The following ASB4 variants were observed in gnomAD, a reference collection of about 807,000 sequenced individuals.
ASB4 encodes the protein ankyrin repeat and SOCS box containing 4.
Under a neutral mutation model 38.6 loss-of-function variants are expected in ASB4, and 35 were observed. That is an observed-to-expected ratio of 0.91 (90% CI 0.69 to 1.20). The LOEUF (loss-of-function observed/expected upper bound fraction) is 1.20, where lower values mean the gene tolerates loss of function less well. ASB4 is among the 50% of genes most tolerant of loss of function. ASB4 has a pLI of 0.00. For missense variants in ASB4, 557 were observed against 527.2 expected (o/e 1.06, Z -0.55); for synonymous variants, 195 against 201.3 (o/e 0.97, Z 0.26).
At chr7:95,485,883 G>T (rs1380093124), upstream of ASB4, 43 of 1,165,516 alleles carry the variant, frequency 3.7e-5, no homozygotes, top group Non-Finnish European at 4.6e-5. Flanking sequence ...AAAATTAGCC[G>T]ACAGTTTGTG....
At chr7:95,471,827 T>C in the ASB4 span, 1 of 127,084 alleles carries the variant, frequency 7.9e-6, no homozygotes. Context: ...AAGTATTTTA[T>C]GTGTGCTAAC....
chr7:95,540,605 C>G (rs1174108005), downstream of ASB4, among the ~76,000 whole-genome samples: 2 of 152,126 alleles, frequency 1.3e-5, no homozygotes, highest in Non-Finnish European at 2.9e-5. Flanking sequence ...CCTCATGACG[C>G]CTTTGTTACT....
At chr7:95,477,030 C>T (rs747150015), upstream of ASB4, among the ~76,000 whole-genome samples, 22 of 151,864 alleles carry the variant, frequency 1.4e-4, no homozygotes, top group Non-Finnish European at 2.6e-4. Context: ...ATATGGTTTA[C>T]GTGGATTAAA....
At chr7:95,472,310 T>C in the ASB4 span, among the ~76,000 whole-genome samples, 1 of 152,194 alleles carries the variant, frequency 6.6e-6, no homozygotes, top group Admixed American at 6.5e-5. Flanking sequence ...GTGTTCAGAA[T>C]GACCAGATGC....
intron 3 of ASB4, among the ~76,000 whole-genome samples, chr7:95,532,327 G>A (rs900742166): frequency 6.6e-6 from 1 of 152,120 alleles, no homozygotes; most frequent in African/African-American, 2.4e-5. Flanking sequence ...AAGCCAATGT[G>A]TAAATTACAT....
In ASB4 at chr7:95,493,775, G is replaced by C. The variant is rs910614444; in HGVS notation, c.188-1983G>C. ...AAATGTATTTGCATATGATAGCATA[G>C]TTTGTATACTGTTTGGCTCCCTGCT... is the stretch of plus-strand genomic sequence containing the variant. On this transcript the variant is annotated intron_variant, in intron 1 of 4. Transcript: ENST00000325885. Among the ~76,000 whole-genome samples, 7 of 152,132 alleles carry C rather than the reference G, an allele frequency of 4.6e-5. 1 individual carries two copies. In the South Asian group the frequency reaches 1.5e-3, roughly 32 times the overall value.
intron 3 of ASB4, among the ~76,000 whole-genome samples, chr7:95,535,293 A>G (rs1040492883): frequency 6.6e-6 from 1 of 152,198 alleles, no homozygotes; most frequent in Non-Finnish European, 1.5e-5. Context: ...TGAGGTTGAT[A>G]CGGTCTGGGA....
upstream of ASB4, among the ~76,000 whole-genome samples, chr7:95,483,948 T>G (rs537199582): frequency 2.5e-4 from 38 of 152,096 alleles, no homozygotes; most frequent in African/African-American, 8.9e-4. Context: ...CATATATGGC[T>G]CTTTTTGTTG....
At chr7:95,492,016 G>C (rs951805336) in intron 1 of ASB4, among the ~76,000 whole-genome samples, 1 of 152,156 alleles carries the variant, frequency 6.6e-6, no homozygotes, top group African/African-American at 2.4e-5. Flanking sequence ...CCTGCAAACT[G>C]TCCTCTTGCC....
chr7:95,531,217 C>A (rs1315368476), intron 3 of ASB4, among the ~76,000 whole-genome samples: 1 of 152,212 alleles, frequency 6.6e-6, no homozygotes, highest in Non-Finnish European at 1.5e-5. Context: ...TCAGTCCTAT[C>A]CTACATCTAT....
chr7:95,485,983 C>A lies in ASB4; in HGVS notation c.12C>A (p.Thr4=), dbSNP rs1790083333. The A allele has an allele frequency of 6.2e-7, 1 of 1,613,704 alleles. No individual in the cohort carries two copies. The highest frequency in any genetic ancestry group is 1.1e-5 in the South Asian group (1 of 91,046). ...GAGGGAGAGGAAGGATGGACGGCAC[C>A]ACTGCCCCTGTCACTAAATCTGGAG... is the stretch of plus-strand genomic sequence containing the variant. MDG[T]TAPVTKSGAA... is the part of the protein sequence containing the mutation. Residue 4 remains threonine (T), a synonymous_variant, in exon 1 of 5, where the codon ACC becomes ACA. Coordinates refer to ENST00000325885, the MANE Select transcript of ASB4 (RefSeq NM_016116.3).
In ASB4 at chr7:95,527,798, A is replaced by C. The variant is rs773587005; in HGVS notation, c.488-15A>C. 5.7e-6 allele frequency: 9 copies of C among 1,578,934 alleles called. No homozygotes were observed. Among genetic ancestry groups the C allele is most frequent in the Middle Eastern group, 2.1e-4 (1 of 4,814 alleles). On this transcript the variant is annotated splice_polypyrimidine_tract_variant and intron_variant, in intron 2 of 4. Transcript: ENST00000325885. ...ACATGTTTAAATAATTGTCTTCCTC[A>C]ATTTCCCTTTATAGGGGCGAATGTG... is the stretch of plus-strand genomic sequence containing the variant.
In ASB4 at chr7:95,537,891, G is replaced by A; in HGVS notation, c.*132G>A. The A allele has an allele frequency of 1.4e-6, 1 of 701,778 alleles. No homozygotes were observed. Among genetic ancestry groups the A allele is most frequent in the Admixed American group, 2.9e-5 (1 of 34,486 alleles). The allele number at this position is 701,778 out of a possible 1,614,324, so 43.5% of individuals were successfully genotyped here. ...GATTTCAAAACACTTTACAAACACT[G>A]CCATTAATCCTAGAATATCATGGTA... On this transcript the variant is annotated 3_prime_UTR_variant, in exon 5 of 5. Coordinates refer to ENST00000325885, the MANE Select transcript of ASB4 (RefSeq NM_016116.3).
Position 95,538,296 on chromosome 7 carries a change from G to A in ASB4, c.*537G>A, listed in dbSNP as rs1562824201. 1.3e-5 allele frequency: 2 copies of A among 152,302 alleles called. No individual in the cohort carries two copies. Among genetic ancestry groups the A allele is most frequent in the Admixed American group, 6.5e-5 (1 of 15,282 alleles). 9.4% of individuals were successfully genotyped at this position (152,302 alleles called of 1,614,324 possible). ...TCAGTGATGAAGGCATATGAGCATA[G>A]TCAAAACAAGGAGATCTTGGAGTCA... On this transcript the variant is annotated 3_prime_UTR_variant, in exon 5 of 5. Coordinates refer to ENST00000325885, the MANE Select transcript of ASB4 (RefSeq NM_016116.3).
the ASB4 span, among the ~76,000 whole-genome samples, chr7:95,549,166 T>A: frequency 1.3e-5 from 2 of 152,012 alleles, no homozygotes; most frequent in Admixed American, 6.6e-5. Context: ...TACGGGAGGA[T>A]GGGGATATAG....
intron 1 of ASB4, chr7:95,478,694 A>C (rs1789998818): frequency 6.6e-6 from 1 of 152,166 alleles, no homozygotes; most frequent in Non-Finnish European, 1.5e-5. Flanking sequence ...TAGCGGCTAA[A>C]TAATTACTTC....
chr7:95,533,852 G>T (rs117554412), intron 3 of ASB4, among the ~76,000 whole-genome samples: 7 of 152,266 alleles, frequency 4.6e-5, no homozygotes, highest in Non-Finnish European at 1.0e-4. Flanking sequence ...CTCGAAAAAT[G>T]GTAGCTATTA....
chr7:95,515,422 CTCTT>C (rs1790570235), intron 2 of ASB4, among the ~76,000 whole-genome samples: 1 of 90,338 alleles, frequency 1.1e-5, no homozygotes, highest in South Asian at 3.4e-4. Context: ...CTTTCTCTCT[CTCTT>C]TTTTTTTTAA....
At chr7:95,528,832 AATCATACGAGGTAT>A (rs1279256978) in intron 3 of ASB4, 1 of 419,652 alleles carries the variant, frequency 2.4e-6, no homozygotes, top group Non-Finnish European at 3.2e-6. Flanking sequence ...TTCTTACAAC[AATCATACGAGGTAT>A]ATATTATTAT....
Sources: allele counts gnomAD v4.1 joint callset (sites outside exome capture counted in the v4.1 genomes callset), GRCh38; gene constraint gnomAD v4.1.1; transcripts MANE v1.5; gene names NCBI Gene and HGNC (gene_info 2026-07-23, HGNC 2026-07-21).